PLEKHA2: variants seen among roughly 807,000 people sequenced by gnomAD.
The protein encoded by PLEKHA2 is pleckstrin homology domain-containing family A member 2.
Under a neutral mutation model 53.2 loss-of-function variants are expected in PLEKHA2, and 28 were observed. The ratio of observed to expected loss-of-function variants is 0.53; its 90% CI spans 0.39 to 0.72. The LOEUF (loss-of-function observed/expected upper bound fraction) is 0.72. Ranked by LOEUF, PLEKHA2 falls within the 30% of genes least tolerant of loss-of-function variation. The probability of loss-of-function intolerance (pLI) is 0.00; values close to 1 mark genes in which losing one functional copy is unlikely to be tolerated. For synonymous variants in PLEKHA2, 193 were observed against 196.4 expected (o/e 0.98, Z 0.14); for missense variants, 426 against 537.9 (o/e 0.79, Z 2.06).
intron 4 of PLEKHA2, 39 bp from the exon 5 acceptor site, chr8:38,946,085 C>A: frequency 6.6e-7 from 1 of 1,503,906 alleles, no homozygotes; most frequent in Non-Finnish European, 9.1e-7. Context: ...TGTATTCTGA[C>A]CTAGGAATGT....
In PLEKHA2 at chr8:38,952,655, G is replaced by A. The variant is rs754904497; in HGVS notation, c.653G>A (p.Arg218His). The A allele has an allele frequency of 2.5e-6, 4 of 1,610,192 alleles. No homozygotes were observed. Among genetic ancestry groups the A allele is most frequent in the Admixed American group, 3.3e-5 (2 of 59,998 alleles). ...QGNVRKSWKR[R>H]FFALDDFTIC... The stretch of plus-strand genomic sequence containing the variant: ...TTACAGCGGAAGAGCTGGAAACGTC[G>A]CTTCTTTGCACTTGATGACTTTACC... The change falls in exon 8 of 12, where the codon CGC (arginine) becomes CAC (histidine). Residue 218 changes from arginine to histidine, a missense_variant. Transcript: ENST00000617275.
chr8:38,930,507 A>T (rs929449156), intron 2 of PLEKHA2, among the ~76,000 whole-genome samples: 5 of 152,178 alleles, frequency 3.3e-5, no homozygotes, highest in Non-Finnish European at 7.3e-5. Context: ...CTCAGCCTAA[A>T]ACCACCTATC....
At chr8:38,951,479 T>G (rs1380728375) in intron 6 of PLEKHA2, among the ~76,000 whole-genome samples, 2 of 142,652 alleles carry the variant, frequency 1.4e-5, no homozygotes, top group African/African-American at 2.6e-5. Context: ...GTTTTTTTTT[T>G]TTTTTTTTTT....
At chr8:38,920,778 G>A (rs1291982463) in intron 2 of PLEKHA2, among the ~76,000 whole-genome samples, 3 of 151,662 alleles carry the variant, frequency 2.0e-5, no homozygotes, top group Admixed American at 1.3e-4. Flanking sequence ...TGACCAGGCT[G>A]GTCTCGAACT....
At chr8:38,928,200 C>T (rs1348804302) in intron 2 of PLEKHA2, among the ~76,000 whole-genome samples, 4 of 148,602 alleles carry the variant, frequency 2.7e-5, no homozygotes, top group Admixed American at 6.7e-5. Context: ...CAAATGCCTC[C>T]GGGAGATTAT....
intron 1 of PLEKHA2, among the ~76,000 whole-genome samples, chr8:38,903,549 TTC>T (rs569586093): frequency 1.7e-3 from 259 of 152,288 alleles, no homozygotes; most frequent in Non-Finnish European, 2.7e-3. Context: ...CAGGTTTTTG[TTC>T]TGCAGAAGTG....
intron 10 of PLEKHA2, among the ~76,000 whole-genome samples, chr8:38,959,657 T>G (rs769607609): frequency 4.1e-4 from 63 of 152,206 alleles, no homozygotes; most frequent in Non-Finnish European, 7.3e-4. Context: ...TGAAGGCTGT[T>G]GTTAATAATT....
chr8:38,964,904 T>C (rs1224290444), intron 10 of PLEKHA2, among the ~76,000 whole-genome samples: 2 of 135,722 alleles, frequency 1.5e-5, no homozygotes, highest in African/African-American at 5.4e-5. Flanking sequence ...GGAGAAGAGG[T>C]CTTGCTCTGT....
intron 3 of PLEKHA2, among the ~76,000 whole-genome samples, chr8:38,938,452 G>A (rs1375456446): frequency 6.6e-6 from 1 of 152,236 alleles, no homozygotes; most frequent in East Asian, 1.9e-4. Flanking sequence ...ACCTTGTTTT[G>A]CTGCCACTGC....
rs867234705 is a variant in PLEKHA2 at position 38,957,250 on chromosome 8, G to A, written c.774-73G>A. 70 of 1,213,530 alleles carry A rather than the reference G, an allele frequency of 5.8e-5. 1 individual carries two copies. Among genetic ancestry groups the A allele is most frequent in the South Asian group, 4.3e-4 (34 of 78,552 alleles). 75.2% of individuals were successfully genotyped at this position (1,213,530 alleles called of 1,614,324 possible). ...TCCTTTTTTATGGTAGAGGGCACTG[G>A]GGTCTTAGGACATATCGAGTCCTCT... is the stretch of plus-strand genomic sequence containing the variant. On this transcript the variant is annotated intron_variant, in intron 9 of 11. Coordinates refer to ENST00000617275, the MANE Select transcript of PLEKHA2 (RefSeq NM_021623.2).
At chr8:38,947,969 C>T (rs958847634) in intron 5 of PLEKHA2, among the ~76,000 whole-genome samples, 2 of 151,684 alleles carry the variant, frequency 1.3e-5, no homozygotes, top group Non-Finnish European at 2.9e-5. Flanking sequence ...CACCGTAATC[C>T]CAGCTACTTG....
At chr8:38,938,972 C>T (rs1470858409) in intron 3 of PLEKHA2, among the ~76,000 whole-genome samples, 1 of 150,932 alleles carries the variant, frequency 6.6e-6, no homozygotes, top group Non-Finnish European at 1.5e-5. Context: ...GGTGCAATCT[C>T]GCCTCACTTC....
chr8:38,919,507 G>A (rs1343413701), intron 2 of PLEKHA2, among the ~76,000 whole-genome samples: 2 of 152,190 alleles, frequency 1.3e-5, no homozygotes, highest in African/African-American at 2.4e-5. Flanking sequence ...AGAAGGGTGT[G>A]GGATCTGGGA....
chr8:38,929,021 A>G (rs1277379499), intron 2 of PLEKHA2, among the ~76,000 whole-genome samples: 2 of 152,174 alleles, frequency 1.3e-5, no homozygotes, highest in African/African-American at 4.8e-5. Context: ...CAGTCCTGTC[A>G]CACCGTTCTC....
At chr8:38,929,690 T>C (rs1208575022) in intron 2 of PLEKHA2, among the ~76,000 whole-genome samples, 2 of 152,218 alleles carry the variant, frequency 1.3e-5, no homozygotes, top group Admixed American at 1.3e-4. Flanking sequence ...TATATGTTAG[T>C]TTCCTTCTTT....
At chr8:38,960,238 T>C (rs531432706) in intron 10 of PLEKHA2, among the ~76,000 whole-genome samples, 5 of 152,342 alleles carry the variant, frequency 3.3e-5, no homozygotes, top group African/African-American at 9.6e-5. Flanking sequence ...CAAATCTGTT[T>C]ACAGCACCTA....
At chr8:38,953,485 GGAGC>G (rs1564147954) in intron 9 of PLEKHA2, 118 bp downstream of exon 9, 44 of 1,044,854 alleles carry the variant, frequency 4.2e-5, no homozygotes, top group Middle Eastern at 4.1e-4. Context: ...GCCAGGCACA[GGAGC>G]CTAACACCTT....
rs1333609624 is a variant in PLEKHA2, at chr8:38,971,796, A to T, written c.*2013A>T. The T allele has an allele frequency of 6.6e-6, 1 of 152,196 alleles. No homozygotes were observed. The highest frequency in any genetic ancestry group is 1.9e-4 in the East Asian group (1 of 5,192). The allele number at this position is 152,196 out of a possible 1,614,324, so 9.4% of individuals were successfully genotyped here. ...GTCTCTACTAAAAATACGAAAAAAA[A>T]ATTAGCCGGGCGCAGTGGCAGGCGC... On this transcript the variant is annotated 3_prime_UTR_variant, in exon 12 of 12. Coordinates refer to ENST00000617275, the MANE Select transcript of PLEKHA2 (RefSeq NM_021623.2).
At chr8:38,918,206 C>T in intron 2 of PLEKHA2, 136 bp downstream of exon 2, 1 of 1,162,770 alleles carries the variant, frequency 8.6e-7, no homozygotes. Context: ...GACAACCCTA[C>T]AACACACACA....
Sources: gnomAD v4.1 joint callset for allele counts (sites outside exome capture counted in the v4.1 genomes callset) on GRCh38, gnomAD v4.1.1 for gene constraint, MANE v1.5 for transcripts, NCBI Gene and HGNC (gene_info 2026-07-23, HGNC 2026-07-21) for gene names.